Variants in NEGR1 observed in about 807,000 individuals in gnomAD.
NEGR1 encodes IgLON family member 4.
In NEGR1, 10 loss-of-function variants were observed where a neutral mutation model predicts 40.9. That is an observed-to-expected ratio of 0.24 (90% CI 0.15 to 0.42). NEGR1 has a LOEUF of 0.42. Ranked by LOEUF, NEGR1 falls within the 10% of genes least tolerant of loss-of-function variation. NEGR1 has a pLI of 1.00. For missense variants in NEGR1, 352 were observed against 438.9 expected, an observed-to-expected ratio of 0.80 and a Z score of 1.77; for synonymous variants, 185 against 166.8, an observed-to-expected ratio of 1.11 and a Z score of -0.84.
chr1:72,255,228 A>G (rs1027358475), intron 1 of NEGR1, among the ~76,000 whole-genome samples: 2 of 152,232 alleles, frequency 1.3e-5, no homozygotes, highest in Non-Finnish European at 2.9e-5. Context: ...TATGCACACC[A>G]TTACTAGTAG....
intron 6 of NEGR1, among the ~76,000 whole-genome samples, chr1:71,467,233 G>T (rs935224425): frequency 1.3e-5 from 2 of 152,078 alleles, no homozygotes; most frequent in Admixed American, 1.3e-4. Context: ...AGAATTTTGT[G>T]AATGAATCCC....
intron 1 of NEGR1, among the ~76,000 whole-genome samples, chr1:71,983,954 A>C (rs1646375018): frequency 8.5e-6 from 1 of 117,714 alleles, no homozygotes; most frequent in East Asian, 5.8e-4. Flanking sequence ...TCTACCAGTC[A>C]TAGAATCAGA....
intron 1 of NEGR1, among the ~76,000 whole-genome samples, chr1:72,183,620 C>T (rs943240516): frequency 6.6e-6 from 1 of 152,082 alleles, no homozygotes; most frequent in Non-Finnish European, 1.5e-5. Flanking sequence ...GTCTGCTGAT[C>T]ATCAACTGTG....
chr1:72,180,685 A>T (rs1652333921), intron 1 of NEGR1, among the ~76,000 whole-genome samples: 2 of 152,142 alleles, frequency 1.3e-5, no homozygotes, highest in Admixed American at 6.6e-5. Context: ...TAAGACGTAA[A>T]TATGGCCAAA....
intron 1 of NEGR1, among the ~76,000 whole-genome samples, chr1:71,941,274 A>C (rs1645956653): frequency 6.6e-6 from 1 of 152,152 alleles, no homozygotes; most frequent in Non-Finnish European, 1.5e-5. Context: ...AAATGAGGTA[A>C]GGCAAGTGAA....
intron 2 of NEGR1, among the ~76,000 whole-genome samples, chr1:71,873,817 G>A (rs1402376156): frequency 6.6e-6 from 1 of 152,052 alleles, no homozygotes; most frequent in Non-Finnish European, 1.5e-5. Flanking sequence ...ATTTGGATGT[G>A]GTTGAATAGT....
chr1:71,987,072 T>A (rs549006535), intron 1 of NEGR1, among the ~76,000 whole-genome samples: 1 of 151,888 alleles, frequency 6.6e-6, no homozygotes, highest in African/African-American at 2.4e-5. Context: ...GGGAGAAACT[T>A]TTTTTTTCTG....
At chr1:72,189,574 G>A (rs1002562551) in intron 1 of NEGR1, among the ~76,000 whole-genome samples, 5 of 151,388 alleles carry the variant, frequency 3.3e-5, no homozygotes, top group Admixed American at 1.3e-4. Flanking sequence ...CATTTTATTC[G>A]TATCTATATC....
At chr1:72,253,770 C>T (rs1174026877) in intron 1 of NEGR1, among the ~76,000 whole-genome samples, 2 of 151,848 alleles carry the variant, frequency 1.3e-5, no homozygotes, top group Non-Finnish European at 2.9e-5. Flanking sequence ...ATTTGAATTA[C>T]AAGATATTAG....
intron 4 of NEGR1, among the ~76,000 whole-genome samples, chr1:71,659,838 A>C (rs1353711540): frequency 1.3e-5 from 2 of 152,208 alleles, no homozygotes; most frequent in African/African-American, 2.4e-5. Context: ...GATGCTGATG[A>C]TGTTGTGGAG....
At chr1:71,783,748 G>C (rs74573499) in intron 2 of NEGR1, among the ~76,000 whole-genome samples, 1 of 152,022 alleles carries the variant, frequency 6.6e-6, no homozygotes, top group Admixed American at 6.6e-5. Context: ...ACCTATGCAC[G>C]AGTTTTTCTC....
At chr1:71,873,244 GA>G (rs1660331681) in intron 2 of NEGR1, among the ~76,000 whole-genome samples, 1 of 151,190 alleles carries the variant, frequency 6.6e-6, no homozygotes, top group Non-Finnish European at 1.5e-5. Flanking sequence ...TTTGGGTTTG[GA>G]AAACATATGT....
intron 6 of NEGR1, among the ~76,000 whole-genome samples, chr1:71,574,454 A>AAAG (rs1282924599): frequency 6.6e-6 from 1 of 152,212 alleles, no homozygotes; most frequent in Non-Finnish European, 1.5e-5. Context: ...TGCAAAAAAT[A>AAAG]AAGTATTAGG....
chr1:72,164,897 T>A (rs746014864), intron 1 of NEGR1, among the ~76,000 whole-genome samples: 1 of 152,110 alleles, frequency 6.6e-6, no homozygotes, highest in African/African-American at 2.4e-5. Context: ...ATGCTAAGTA[T>A]CACCATAGCT....
At chr1:71,736,333 C>A (rs1458976986) in intron 3 of NEGR1, among the ~76,000 whole-genome samples, 1 of 152,052 alleles carries the variant, frequency 6.6e-6, no homozygotes, top group East Asian at 1.9e-4. Flanking sequence ...TATACTTTCA[C>A]AAGAACTATT....
chr1:72,171,856 T>G (rs1651975733), intron 1 of NEGR1, among the ~76,000 whole-genome samples: 2 of 152,186 alleles, frequency 1.3e-5, no homozygotes. Context: ...ATAAAAATCT[T>G]AAACTATTCC....
chr1:71,491,784 A>G (rs1646930706), intron 6 of NEGR1, among the ~76,000 whole-genome samples: 1 of 152,040 alleles, frequency 6.6e-6, no homozygotes, highest in South Asian at 2.1e-4. Context: ...CAAATGTATA[A>G]AACAGAAAAT....
chr1:72,154,467 T>TACATAA (rs1651286034), intron 1 of NEGR1, among the ~76,000 whole-genome samples: 1 of 152,002 alleles, frequency 6.6e-6, no homozygotes, highest in Non-Finnish European at 1.5e-5. Flanking sequence ...CACAATGGGC[T>TACATAA]ACATAAATTT....
At chr1:72,182,784 A>G (rs867438278) in intron 1 of NEGR1, among the ~76,000 whole-genome samples, 5,210 of 148,380 alleles carry the variant, frequency 0.035, 310 homozygotes, top group African/African-American at 0.12. Flanking sequence ...GTGTGTATAT[A>G]TATATATATA....
Sources: gnomAD v4.1 joint callset for allele counts (sites outside exome capture counted in the v4.1 genomes callset) on GRCh38, gnomAD v4.1.1 for gene constraint, MANE v1.5 for transcripts, NCBI Gene and HGNC (gene_info 2026-07-23, HGNC 2026-07-21) for gene names.